The following SORCS1 variants were observed in gnomAD, a reference collection of about 807,000 sequenced individuals.
The protein encoded by SORCS1 is sortilin related VPS10 domain containing receptor 1.
SORCS1 carries 60 observed loss-of-function variants against 146.1 expected under a neutral mutation model. The observed-to-expected ratio is 0.41, with a 90% CI of 0.33 to 0.51. The LOEUF (loss-of-function observed/expected upper bound fraction) is 0.51. Ranked by LOEUF, SORCS1 falls within the 20% of genes least tolerant of loss-of-function variation. SORCS1 has a pLI of 0.21. For synonymous variants in SORCS1, 637 were observed against 584.0 expected, an observed-to-expected ratio of 1.09 and a Z score of -1.31; for missense variants, 1,352 against 1,487.6, an observed-to-expected ratio of 0.91 and a Z score of 1.50.
chr10:107,176,413 G>A, the SORCS1 span, among the ~76,000 whole-genome samples: 1 of 150,794 alleles, frequency 6.6e-6, no homozygotes, highest in Non-Finnish European at 1.5e-5. Context: ...ACTTCTTGCT[G>A]CAGCTTTGAC....
chr10:106,950,166 G>C (rs1253715297), intron 2 of SORCS1, among the ~76,000 whole-genome samples: 1 of 152,144 alleles, frequency 6.6e-6, no homozygotes, highest in Non-Finnish European at 1.5e-5. Context: ...TTGACTCCCT[G>C]AGTGAAGAAC....
In SORCS1 at chr10:107,051,746, T is replaced by C. The variant is rs151141024; in HGVS notation, c.559-95166A>G. On this transcript the variant is annotated intron_variant, in intron 1 of 25. Transcript: ENST00000263054. The stretch of plus-strand genomic sequence containing the variant: ...CAAGCATTTTCAGATACATTAATAA[T>C]TTAACATTTATAAAATGAAACCAAG... Among the ~76,000 whole-genome samples, 764 of 152,290 alleles carry C rather than the reference T, an allele frequency of 5.0e-3. 3 individuals are homozygous for C. The highest frequency in any genetic ancestry group is 7.1e-3 in the Non-Finnish European group (484 of 68,014).
Position 106,774,812 on chromosome 10 carries a change from A to G in SORCS1, c.885+1722T>C, listed in dbSNP as rs140763826. ...TAATCATCTATCTCCAGATGGATAG[A>G]ATATTGTTATTTTATATCAACACTG... On this transcript the variant is annotated intron_variant, in intron 4 of 25. Coordinates refer to ENST00000263054, the MANE Select transcript of SORCS1 (RefSeq NM_052918.5). Among the ~76,000 whole-genome samples, 8 of 152,318 alleles carry G rather than the reference A, an allele frequency of 5.3e-5. 1 individual carries two copies. The highest frequency in any genetic ancestry group is 1.9e-4 in the African/African-American group (8 of 41,564).
intron 3 of SORCS1, among the ~76,000 whole-genome samples, chr10:106,819,055 A>G (rs1947883422): frequency 6.6e-6 from 1 of 152,230 alleles, no homozygotes. Context: ...TAGGCATTTA[A>G]TACCTTCTGG....
intron 17 of SORCS1, among the ~76,000 whole-genome samples, chr10:106,662,426 C>T (rs1850801220): frequency 6.6e-6 from 1 of 152,164 alleles, no homozygotes; most frequent in African/African-American, 2.4e-5. Flanking sequence ...CATTTTCCCA[C>T]TGCATGTCTG....
At chr10:106,816,798 A>T (rs1947763069) in intron 3 of SORCS1, among the ~76,000 whole-genome samples, 1 of 152,200 alleles carries the variant, frequency 6.6e-6, no homozygotes, top group Non-Finnish European at 1.5e-5. Context: ...GCATCCCACC[A>T]GTTGCAATGG....
chr10:106,870,986 G>A (rs1210295334), intron 2 of SORCS1, among the ~76,000 whole-genome samples: 2 of 152,028 alleles, frequency 1.3e-5, no homozygotes, highest in African/African-American at 4.8e-5. Flanking sequence ...TTATCTATAA[G>A]AAACTTAAAC....
At chr10:106,927,095 A>C (rs1953083662) in intron 2 of SORCS1, among the ~76,000 whole-genome samples, 1 of 152,178 alleles carries the variant, frequency 6.6e-6, no homozygotes, top group South Asian at 2.1e-4. Context: ...TGATCCTGTC[A>C]TAGCCAGACC....
intron 1 of SORCS1, among the ~76,000 whole-genome samples, chr10:107,088,270 A>G (rs1399706365): frequency 6.6e-6 from 1 of 152,128 alleles, no homozygotes; most frequent in African/African-American, 2.4e-5. Context: ...TTACACTGGA[A>G]GTAGTTAAAT....
At chr10:106,934,735 A>G (rs549480655) in intron 2 of SORCS1, among the ~76,000 whole-genome samples, 11 of 152,216 alleles carry the variant, frequency 7.2e-5, no homozygotes, top group Admixed American at 7.2e-4. Flanking sequence ...TCAGCCATAA[A>G]AAAGAACAAA....
intron 4 of SORCS1, among the ~76,000 whole-genome samples, chr10:106,765,022 C>CAAAA (rs10582038): frequency 9.6e-5 from 7 of 73,250 alleles, no homozygotes; most frequent in Admixed American, 3.3e-4. Flanking sequence ...GACACTGTCT[C>CAAAA]AAAAAAAAAA....
intron 1 of SORCS1, among the ~76,000 whole-genome samples, chr10:107,040,953 A>G (rs1331915497): frequency 6.6e-6 from 1 of 152,220 alleles, no homozygotes; most frequent in Non-Finnish European, 1.5e-5. Flanking sequence ...CTGTTAATAT[A>G]ATACTTGTTT....
chr10:107,022,313 C>A (rs550032651), intron 1 of SORCS1, among the ~76,000 whole-genome samples: 5 of 152,142 alleles, frequency 3.3e-5, no homozygotes, highest in African/African-American at 1.2e-4. Flanking sequence ...CACACTGGTC[C>A]GGAGTCCAGA....
chr10:106,593,317 G>A (rs1019884780), intron 24 of SORCS1, among the ~76,000 whole-genome samples: 19 of 151,942 alleles, frequency 1.3e-4, no homozygotes, highest in African/African-American at 3.9e-4. Flanking sequence ...TAAAGGTAAC[G>A]TAGGAGCAAT....
chr10:107,014,014 C>T (rs775553828), intron 1 of SORCS1, among the ~76,000 whole-genome samples: 13 of 151,930 alleles, frequency 8.6e-5, no homozygotes, highest in Non-Finnish European at 1.3e-4. Flanking sequence ...TCCCAGGACT[C>T]GAGGCTGAGG....
chr10:107,155,698 C>T (rs1419418703), intron 1 of SORCS1, among the ~76,000 whole-genome samples: 3 of 152,104 alleles, frequency 2.0e-5, no homozygotes, highest in Non-Finnish European at 2.9e-5. Context: ...ATCCACCACC[C>T]GGCCCCAAAC....
At chr10:107,119,906 A>G (rs970343250) in intron 1 of SORCS1, among the ~76,000 whole-genome samples, 9 of 152,162 alleles carry the variant, frequency 5.9e-5, no homozygotes, top group African/African-American at 2.2e-4. Context: ...GTCTCTATCT[A>G]TGGAACTATC....
chr10:107,021,427 T>C (rs1367770335), intron 1 of SORCS1, among the ~76,000 whole-genome samples: 1 of 136,274 alleles, frequency 7.3e-6, no homozygotes, highest in Non-Finnish European at 1.5e-5. Context: ...GGCAGGAGAA[T>C]GGCGTGAACC....
rs577737429 is a variant in SORCS1, at chr10:106,936,221, T to C, written c.626+20292A>G. Reference sequence around the variant, plus strand: ...ACAGCCCTTCACCAGTCTTTTTCCTTCCTGTTTCCATTTACATCCTGACTG... The same window carrying C: ...ACAGCCCTTCACCAGTCTTTTTCCTCCCTGTTTCCATTTACATCCTGACTG... On this transcript the variant is annotated intron_variant, in intron 2 of 25. Transcript: ENST00000263054. Among the ~76,000 whole-genome samples the C allele has an allele frequency of 3.2e-3, 489 of 152,348 alleles. 7 individuals carry two copies. The highest frequency in any genetic ancestry group is 0.011 in the African/African-American group (473 of 41,582).
Sources: allele counts gnomAD v4.1 joint callset (sites outside exome capture counted in the v4.1 genomes callset), GRCh38; gene constraint gnomAD v4.1.1; transcripts MANE v1.5; gene names NCBI Gene and HGNC (gene_info 2026-07-23, HGNC 2026-07-21).